Variants in STXBP6 observed in about 807,000 individuals in gnomAD.
STXBP6 encodes syntaxin binding protein 6, also known as syntaxin-binding protein 6.
STXBP6 carries 21 observed loss-of-function variants against 26.9 expected under a neutral mutation model. That is an observed-to-expected ratio of 0.78 (90% CI 0.55 to 1.12). The LOEUF is 1.12. Among genes scored for constraint, STXBP6 ranks in the 50% most tolerant of loss-of-function variants. STXBP6 has a pLI of 0.00. For missense variants in STXBP6, 232 were observed against 257.9 expected, an observed-to-expected ratio of 0.90 and a Z score of 0.69; for synonymous variants, 97 against 92.6, an observed-to-expected ratio of 1.05 and a Z score of -0.27.
rs575588702 is a variant in STXBP6, at chr14:24,970,851, G to A, written c.154+3814C>T. On this transcript the variant is annotated intron_variant, in intron 2 of 5. Coordinates refer to ENST00000323944, the MANE Select transcript of STXBP6 (RefSeq NM_001394410.1). ...AAAGTATGAGAGCTCAAATTGCTTC[G>A]CATGTTAACACTTGGTATTGTCAGT... 2.6e-4 allele frequency among the ~76,000 whole-genome samples: 39 copies of A among 152,164 alleles called. No individual in the cohort carries two copies. The South Asian group carries it at 7.7e-3, about 30-fold the overall frequency.
At chr14:25,034,267 A>G (rs1283604850) in intron 1 of STXBP6, among the ~76,000 whole-genome samples, 1 of 152,136 alleles carries the variant, frequency 6.6e-6, no homozygotes. Context: ...CACAAGAACC[A>G]TATCCCTCTG....
rs1009236553 is a variant in STXBP6, at chr14:24,981,273, T to C, written c.-32-6423A>G. On this transcript the variant is annotated intron_variant, in intron 1 of 5. Transcript: ENST00000323944. ...AAATTAGAATCTTCAGATATGTATG[T>C]GAGTATTTTTTTTTTTTGAGGCAGA... Among the ~76,000 whole-genome samples the C allele has an allele frequency of 4.7e-5, 7 of 147,820 alleles. No individual in the cohort carries two copies. The South Asian group carries it at 1.5e-3, about 31-fold the overall frequency.
chr14:24,953,831 T>C (rs956929927), intron 2 of STXBP6, among the ~76,000 whole-genome samples: 11 of 152,194 alleles, frequency 7.2e-5, no homozygotes, highest in Admixed American at 2.0e-4. Context: ...CTGATACTAA[T>C]AGCAGAGGCC....
At chr14:24,967,494 A>C (rs1485840241) in intron 2 of STXBP6, among the ~76,000 whole-genome samples, 2 of 152,232 alleles carry the variant, frequency 1.3e-5, no homozygotes, top group Non-Finnish European at 2.9e-5. Flanking sequence ...AAATGCTTTA[A>C]TCAAATGTGT....
intron 4 of STXBP6, among the ~76,000 whole-genome samples, chr14:24,846,552 A>C (rs576443603): frequency 1.4e-4 from 22 of 152,298 alleles, no homozygotes; most frequent in African/African-American, 5.3e-4. Context: ...GATGTCCATA[A>C]AGGTTGCCAG....
intron 5 of STXBP6, 129 bp from the exon 6 acceptor site, chr14:24,812,861 T>A (rs760474084): frequency 3.6e-6 from 3 of 837,140 alleles, no homozygotes; most frequent in Non-Finnish European, 6.0e-6. Context: ...CTGTGGCAGA[T>A]CACCGTTACT....
At chr14:24,879,515 C>T (rs899165698) in intron 2 of STXBP6, among the ~76,000 whole-genome samples, 8 of 152,100 alleles carry the variant, frequency 5.3e-5, no homozygotes, top group East Asian at 1.9e-4. Context: ...TCTTTTCATT[C>T]GGACTCCATG....
chr14:25,046,632 C>A (rs954237974), intron 1 of STXBP6, among the ~76,000 whole-genome samples: 4 of 152,160 alleles, frequency 2.6e-5, no homozygotes, highest in African/African-American at 4.8e-5. Flanking sequence ...AACTTTATTT[C>A]TTCCTTAGGA....
chr14:24,840,079 G>T (rs1173678973), intron 4 of STXBP6, among the ~76,000 whole-genome samples: 4 of 152,196 alleles, frequency 2.6e-5, no homozygotes, highest in Admixed American at 2.0e-4. Flanking sequence ...CCACAGTACT[G>T]TATGGGAGAA....
chr14:24,948,034 A>G (rs1245992725), intron 2 of STXBP6, among the ~76,000 whole-genome samples: 1 of 152,232 alleles, frequency 6.6e-6, no homozygotes, highest in Non-Finnish European at 1.5e-5. Flanking sequence ...GGCAGTCTCC[A>G]TATGCAGTAT....
intron 1 of STXBP6, among the ~76,000 whole-genome samples, chr14:25,012,081 T>C (rs979442001): frequency 5.3e-5 from 8 of 151,966 alleles, no homozygotes; most frequent in Non-Finnish European, 1.2e-4. Context: ...TTGACTAGAG[T>C]CAAATTCTAG....
At position 24,819,166 on chromosome 14, in the gene STXBP6, G is replaced by A. The variant is rs774077268; in HGVS notation, c.480C>T (p.Asp160=). 2 of 1,614,150 alleles carry A rather than the reference G, an allele frequency of 1.2e-6. No homozygotes were observed. Among genetic ancestry groups the A allele is most frequent in the Non-Finnish European group, 1.7e-6 (2 of 1,180,012 alleles). ...GGNSILHSAA[D]SVTSAVQKAS... ...CCTTCTGCACTGCGCTGGTCACGCT[G>A]TCAGCAGCTGAATGGAGGATGCTGT... The change falls in exon 5 of 6, where the codon GAC becomes GAT. Residue 160 remains aspartate, a synonymous_variant. Coordinates refer to ENST00000323944, the MANE Select transcript of STXBP6 (RefSeq NM_001394410.1).
At chr14:24,970,463 T>C (rs2073873717) in intron 2 of STXBP6, among the ~76,000 whole-genome samples, 2 of 152,180 alleles carry the variant, frequency 1.3e-5, no homozygotes, top group African/African-American at 4.8e-5. Context: ...GAATGTCATA[T>C]AAATAGAATC....
chr14:24,853,867 T>C (rs551599286), intron 4 of STXBP6, among the ~76,000 whole-genome samples: 17 of 152,180 alleles, frequency 1.1e-4, no homozygotes, highest in South Asian at 8.3e-4. Flanking sequence ...GGCTCAATGA[T>C]GGACAGAAGC....
At chr14:25,009,252 T>C (rs1453112845) in intron 1 of STXBP6, among the ~76,000 whole-genome samples, 2 of 152,210 alleles carry the variant, frequency 1.3e-5, no homozygotes, top group African/African-American at 4.8e-5. Context: ...AGAATTCTTA[T>C]CACTGGGTCC....
intron 2 of STXBP6, among the ~76,000 whole-genome samples, chr14:24,905,461 C>T (rs755412335): frequency 1.6e-4 from 25 of 152,182 alleles, no homozygotes; most frequent in Non-Finnish European, 3.4e-4. Flanking sequence ...TCTTTCTGCG[C>T]ACTCTTCACC....
chr14:25,005,807 TA>T (rs35612009), intron 1 of STXBP6, among the ~76,000 whole-genome samples: 6,193 of 138,944 alleles, frequency 0.045, 408 homozygotes, highest in African/African-American at 0.15. Flanking sequence ...GGGAAAAAAC[TA>T]AAAAAAAAAA....
Position 24,809,867 on chromosome 14 carries a change from T to C in STXBP6, c.*2842A>G, listed in dbSNP as rs2067772241. On this transcript the variant is annotated 3_prime_UTR_variant, in exon 6 of 6. Transcript: ENST00000323944. ...TCTTTAATGCCCCTTATTTAGAGCA[T>C]CCTGTAAATAATTTTAAATAGATGC... 6.6e-6 allele frequency: 1 copy of C among 152,192 alleles called. No individual in the cohort carries two copies. Among genetic ancestry groups the C allele is most frequent in the Non-Finnish European group, 1.5e-5 (1 of 68,034 alleles). 9.4% of individuals were successfully genotyped at this position (152,192 alleles called of 1,614,324 possible).
At chr14:24,991,060 C>CA (rs1332881041) in intron 1 of STXBP6, among the ~76,000 whole-genome samples, 1 of 149,044 alleles carries the variant, frequency 6.7e-6, no homozygotes, top group Non-Finnish European at 1.5e-5. Context: ...AGACAGAAGA[C>CA]AGAGGAGAGG....
Sources: allele counts gnomAD v4.1 joint callset (sites outside exome capture counted in the v4.1 genomes callset), GRCh38; gene constraint gnomAD v4.1.1; transcripts MANE v1.5; gene names NCBI Gene and HGNC (gene_info 2026-07-23, HGNC 2026-07-21).